Variants in MLLT3 observed in about 807,000 individuals in gnomAD.
MLLT3 encodes MLLT3 super elongation complex subunit, also known as protein AF-9.
MLLT3 carries 4 observed loss-of-function variants against 53.2 expected under a neutral mutation model. The observed-to-expected ratio is 0.08, with a 90% confidence interval of 0.04 to 0.17. The LOEUF (loss-of-function observed/expected upper bound fraction) is 0.17. Among genes scored for constraint, MLLT3 ranks in the 10% least tolerant of loss-of-function variants. The pLI, the probability that MLLT3 is intolerant of heterozygous loss-of-function variation, is 1.00. For missense variants in MLLT3, 569 were observed against 684.0 expected (o/e 0.83, Z 1.87); for synonymous variants, 283 against 230.6 (o/e 1.23, Z -2.06).
intron 2 of MLLT3, among the ~76,000 whole-genome samples, chr9:20,482,002 C>T (rs1404715088): frequency 6.6e-6 from 1 of 152,212 alleles, no homozygotes; most frequent in African/African-American, 2.4e-5. Flanking sequence ...GTACTTCGAA[C>T]TCAAGAGTCC....
chr9:20,619,940 T>C (rs952428438), intron 2 of MLLT3, among the ~76,000 whole-genome samples: 13 of 152,026 alleles, frequency 8.6e-5, no homozygotes, highest in Non-Finnish European at 1.9e-4. Flanking sequence ...GCAAGAACAG[T>C]CTCCCTGCAG....
intron 2 of MLLT3, among the ~76,000 whole-genome samples, chr9:20,483,915 G>A (rs1333804592): frequency 1.3e-5 from 2 of 151,126 alleles, no homozygotes; most frequent in South Asian, 2.1e-4. Flanking sequence ...GTTTCACCGT[G>A]TTAGCCAGGA....
chr9:20,547,079 A>G (rs1420737676), intron 2 of MLLT3, among the ~76,000 whole-genome samples: 1 of 152,224 alleles, frequency 6.6e-6, no homozygotes, highest in African/African-American at 2.4e-5. Context: ...TGGAGTCAAT[A>G]GGAGTTTGGC....
At chr9:20,470,095 G>C (rs1301464989) in intron 2 of MLLT3, among the ~76,000 whole-genome samples, 3 of 151,812 alleles carry the variant, frequency 2.0e-5, no homozygotes, top group Admixed American at 2.0e-4. Context: ...ATTATTTTTT[G>C]TTGACTTGAA....
intron 2 of MLLT3, among the ~76,000 whole-genome samples, chr9:20,504,100 G>A (rs1316282948): frequency 2.0e-5 from 3 of 152,296 alleles, no homozygotes; most frequent in Non-Finnish European, 2.9e-5. Flanking sequence ...ACTGTATACT[G>A]TTGGTGGGAA....
intron 2 of MLLT3, among the ~76,000 whole-genome samples, chr9:20,537,177 T>A (rs538409852): frequency 6.6e-6 from 1 of 152,280 alleles, no homozygotes; most frequent in South Asian, 2.1e-4. Flanking sequence ...TTATACATTC[T>A]GAAATAGGTT....
intron 2 of MLLT3, among the ~76,000 whole-genome samples, chr9:20,468,439 G>A (rs182767936): frequency 1.1e-4 from 16 of 152,210 alleles, no homozygotes; most frequent in Admixed American, 3.9e-4. Flanking sequence ...ACACTAATCA[G>A]CCCACCTAGA....
At chr9:20,536,702 T>C (rs2119004579) in intron 2 of MLLT3, among the ~76,000 whole-genome samples, 1 of 152,310 alleles carries the variant, frequency 6.6e-6, no homozygotes, top group East Asian at 1.9e-4. Flanking sequence ...AGGGTAATCT[T>C]TTGTAGTAGT....
chr9:20,541,919 C>A (rs1818643217), intron 2 of MLLT3, among the ~76,000 whole-genome samples: 1 of 152,128 alleles, frequency 6.6e-6, no homozygotes, highest in African/African-American at 2.4e-5. Flanking sequence ...TCAAATTCTT[C>A]CAAAATCCTG....
chr9:20,522,139 G>A (rs1818078201), intron 2 of MLLT3, among the ~76,000 whole-genome samples: 2 of 151,098 alleles, frequency 1.3e-5, no homozygotes, highest in Admixed American at 6.6e-5. Flanking sequence ...ATTATTTAAA[G>A]AAAGATTCCC....
chr9:20,613,477 A>C (rs921483291), intron 2 of MLLT3, among the ~76,000 whole-genome samples: 8 of 152,212 alleles, frequency 5.3e-5, no homozygotes, highest in African/African-American at 1.9e-4. Context: ...ATAATAGTTA[A>C]TTCTCCAGAA....
At chr9:20,367,718 T>A (rs1821495092) in intron 5 of MLLT3, among the ~76,000 whole-genome samples, 2 of 152,248 alleles carry the variant, frequency 1.3e-5, no homozygotes, top group Non-Finnish European at 2.9e-5. Context: ...TTGAGAATAT[T>A]TGTGGTTTCC....
chr9:20,595,575 G>C (rs1262105289), intron 2 of MLLT3, among the ~76,000 whole-genome samples: 5 of 151,912 alleles, frequency 3.3e-5, no homozygotes, highest in Admixed American at 2.6e-4. Flanking sequence ...TGAAACATAA[G>C]CGTTATCAAA....
chr9:20,565,974 ATATATATATTTATT>A (rs1819359508), intron 2 of MLLT3, among the ~76,000 whole-genome samples: 3 of 116,488 alleles, frequency 2.6e-5, no homozygotes, highest in African/African-American at 3.5e-5. Flanking sequence ...ATATTTATAT[ATATATATATTTATT>A]TATATATTTA....
At chr9:20,473,333 C>G (rs982705943) in intron 2 of MLLT3, among the ~76,000 whole-genome samples, 7 of 152,012 alleles carry the variant, frequency 4.6e-5, no homozygotes, top group Non-Finnish European at 7.4e-5. Context: ...GTACAATCAT[C>G]CCCTAAAAAT....
intron 5 of MLLT3, among the ~76,000 whole-genome samples, chr9:20,402,087 A>C (rs1235201759): frequency 6.6e-6 from 1 of 152,206 alleles, no homozygotes; most frequent in Admixed American, 6.5e-5. Context: ...GAGGAAGGTC[A>C]GCAGGTAAAG....
Position 20,413,945 on chromosome 9 carries a change from T to G in MLLT3, c.901A>C (p.Ser301Arg). 6.2e-7 allele frequency: 1 copy of G among 1,613,768 alleles called. No individual in the cohort carries two copies. Among genetic ancestry groups the G allele is most frequent in the South Asian group, 1.1e-5 (1 of 91,030 alleles). ...EELSAKKRKK[S>R]SSEALFKSFS... ...CTTTTAAATAAAGCCTCTGAGCTAC[T>G]CTTTTTCCTTTTTTTGGCTGAGAGT... Residue 301 changes from serine to arginine, a missense_variant, in exon 5 of 11, where the codon AGT becomes CGT. Physicochemically the swap from Ser to Arg is moderately radical, Grantham distance 110. Coordinates refer to ENST00000380338, the MANE Select transcript of MLLT3 (RefSeq NM_004529.4).
chr9:20,514,547 A>C (rs1257766878), intron 2 of MLLT3, among the ~76,000 whole-genome samples: 2 of 152,016 alleles, frequency 1.3e-5, no homozygotes, highest in African/African-American at 2.4e-5. Flanking sequence ...ATTTAAGCTC[A>C]AATAGGTCCC....
rs144401985 is a variant in MLLT3 at position 20,500,141 on chromosome 9, T to C, written c.194-43355A>G. 3.6e-3 allele frequency among the ~76,000 whole-genome samples: 543 copies of C among 152,342 alleles called. 10 individuals carry two copies. The highest frequency in any genetic ancestry group is 0.03 in the Admixed American group (465 of 15,306). ...GGGTCAGGAACTCAGAAAGGTTTGA[T>C]TGTGTGGTTCTAGCTCAGAGTTTCT... On this transcript the variant is annotated intron_variant, in intron 2 of 10. Coordinates refer to ENST00000380338, the MANE Select transcript of MLLT3 (RefSeq NM_004529.4).
Sources: allele counts gnomAD v4.1 joint callset (sites outside exome capture counted in the v4.1 genomes callset), GRCh38; gene constraint gnomAD v4.1.1; transcripts MANE v1.5; gene names NCBI Gene and HGNC (gene_info 2026-07-23, HGNC 2026-07-21).